PLPPR1: variants seen among roughly 807,000 people sequenced by gnomAD.
PLPPR1 encodes the protein phospholipid phosphatase related 1.
Under a neutral mutation model 33.1 loss-of-function variants are expected in PLPPR1, and 10 were observed. The observed-to-expected ratio is 0.30, with a 90% CI of 0.19 to 0.51. The LOEUF is 0.51. Among genes scored for constraint, PLPPR1 ranks in the 20% least tolerant of loss-of-function variants. The pLI is 0.97. For synonymous variants in PLPPR1, 151 were observed against 151.0 expected (o/e 1.00, Z 0.00); for missense variants, 304 against 408.1 (o/e 0.74, Z 2.20).
At chr9:101,115,123 A>T (rs2993810) in intron 1 of PLPPR1, among the ~76,000 whole-genome samples, 144,587 of 152,272 alleles carry the variant, frequency 0.95, 68,744 homozygotes, top group African/African-American at 0.99. Flanking sequence ...TCCACAGTAC[A>T]GAAAGTACAT....
intron 4 of PLPPR1, among the ~76,000 whole-genome samples, chr9:101,291,596 C>G (rs1429431281): frequency 6.6e-6 from 1 of 152,172 alleles, no homozygotes; most frequent in Non-Finnish European, 1.5e-5. Context: ...GACAAAACTT[C>G]CAGAGGAATG....
At chr9:101,175,197 C>T (rs1277086191) in intron 1 of PLPPR1, among the ~76,000 whole-genome samples, 5 of 152,142 alleles carry the variant, frequency 3.3e-5, no homozygotes, top group African/African-American at 1.2e-4. Flanking sequence ...CTTAGACAAG[C>T]TATCTCCTCT....
At chr9:101,263,439 C>G (rs1456524908) in intron 2 of PLPPR1, among the ~76,000 whole-genome samples, 1 of 152,154 alleles carries the variant, frequency 6.6e-6, no homozygotes, top group Admixed American at 6.5e-5. Context: ...TCCATTCCAA[C>G]TTCTTGCTGA....
intron 1 of PLPPR1, among the ~76,000 whole-genome samples, chr9:101,037,227 C>T (rs1198526425): frequency 6.6e-6 from 1 of 151,956 alleles, no homozygotes; most frequent in Non-Finnish European, 1.5e-5. Flanking sequence ...GAAATAAATC[C>T]CCTGCTTGTG....
intron 1 of PLPPR1, among the ~76,000 whole-genome samples, chr9:101,113,468 T>C (rs1831081784): frequency 6.6e-6 from 1 of 152,116 alleles, no homozygotes. Context: ...TCTTATAAGA[T>C]GAACCAGAAA....
intron 1 of PLPPR1, among the ~76,000 whole-genome samples, chr9:101,152,498 C>T (rs988076568): frequency 5.1e-4 from 78 of 152,110 alleles, no homozygotes; most frequent in African/African-American, 1.8e-3. Flanking sequence ...AATGGTATTG[C>T]CTAGGTTTTC....
chr9:101,222,401 C>T (rs1826963900), intron 2 of PLPPR1, among the ~76,000 whole-genome samples: 1 of 152,116 alleles, frequency 6.6e-6, no homozygotes, highest in Non-Finnish European at 1.5e-5. Context: ...GAGCAGGAGT[C>T]CTCAAATTGG....
intron 2 of PLPPR1, among the ~76,000 whole-genome samples, chr9:101,256,838 T>G (rs1278963262): frequency 1.3e-5 from 2 of 152,104 alleles, no homozygotes; most frequent in East Asian, 3.9e-4. Flanking sequence ...ATATTTATCC[T>G]GATAGAAATA....
chr9:101,048,625 A>G (rs1183928974), intron 1 of PLPPR1, among the ~76,000 whole-genome samples: 1 of 152,244 alleles, frequency 6.6e-6, no homozygotes, highest in African/African-American at 2.4e-5. Context: ...ATAAAGATTA[A>G]TGTGACACTG....
chr9:101,230,965 G>T (rs1020047524), intron 2 of PLPPR1, among the ~76,000 whole-genome samples: 1 of 151,810 alleles, frequency 6.6e-6, no homozygotes, highest in Non-Finnish European at 1.5e-5. Flanking sequence ...TAAAAAGGAA[G>T]GAATCTAGCT....
At chr9:101,212,824 T>TA (rs2118770252) in intron 2 of PLPPR1, among the ~76,000 whole-genome samples, 1 of 152,332 alleles carries the variant, frequency 6.6e-6, no homozygotes, top group East Asian at 1.9e-4. Context: ...TTGTCAGTTG[T>TA]AACACGTTTC....
intron 3 of PLPPR1, among the ~76,000 whole-genome samples, chr9:101,279,484 G>C (rs568743552): frequency 6.6e-6 from 1 of 152,238 alleles, no homozygotes; most frequent in East Asian, 1.9e-4. Context: ...AAATGGACTT[G>C]ATATTTATAA....
At chr9:101,316,748 C>G (rs1829060421) in intron 6 of PLPPR1, among the ~76,000 whole-genome samples, 1 of 152,052 alleles carries the variant, frequency 6.6e-6, no homozygotes, top group Non-Finnish European at 1.5e-5. Context: ...CAAGAGTTAT[C>G]TAATCTCAAG....
At chr9:101,166,034 G>A (rs1021235844) in intron 1 of PLPPR1, among the ~76,000 whole-genome samples, 1 of 152,098 alleles carries the variant, frequency 6.6e-6, no homozygotes, top group Non-Finnish European at 1.5e-5. Flanking sequence ...GATCATGGAA[G>A]TTTTCTTCCT....
At chr9:101,291,953 CG>C (rs1446721724) in intron 4 of PLPPR1, among the ~76,000 whole-genome samples, 1 of 152,130 alleles carries the variant, frequency 6.6e-6, no homozygotes, top group African/African-American at 2.4e-5. Context: ...ATGACTTTGA[CG>C]AGTTGAGAGA....
intron 1 of PLPPR1, among the ~76,000 whole-genome samples, chr9:101,096,544 T>C (rs7855321): frequency 0.7 from 106,846 of 152,038 alleles, 37,685 homozygotes; most frequent in East Asian, 0.89. Flanking sequence ...TAGGTAATAG[T>C]TAAATAAGCA....
At chr9:101,192,934 C>T (rs1826322729) in intron 2 of PLPPR1, among the ~76,000 whole-genome samples, 1 of 152,070 alleles carries the variant, frequency 6.6e-6, no homozygotes, top group African/African-American at 2.4e-5. Context: ...GAGGACAATA[C>T]CAATATTCAA....
chr9:101,114,726 A>T (rs1831098752), intron 1 of PLPPR1, among the ~76,000 whole-genome samples: 1 of 152,206 alleles, frequency 6.6e-6, no homozygotes, highest in Non-Finnish European at 1.5e-5. Flanking sequence ...AGATGCTCTT[A>T]ACAATTACAT....
At chr9:101,065,310 G>A (rs536153792) in intron 1 of PLPPR1, among the ~76,000 whole-genome samples, 4 of 152,088 alleles carry the variant, frequency 2.6e-5, no homozygotes, top group Admixed American at 2.6e-4. Flanking sequence ...TCCTCTGCAG[G>A]GTATTGTAGA....
Sources: allele counts gnomAD v4.1 joint callset (sites outside exome capture counted in the v4.1 genomes callset), GRCh38; gene constraint gnomAD v4.1.1; transcripts MANE v1.5; gene names NCBI Gene and HGNC (gene_info 2026-07-23, HGNC 2026-07-21).